Variants in BEND7 observed in about 807,000 individuals in gnomAD.
BEND7 encodes the protein BEN domain-containing protein 7.
BEND7 carries 28 observed loss-of-function variants against 50.9 expected under a neutral mutation model. That is an observed-to-expected ratio of 0.55 (90% CI 0.41 to 0.75). The LOEUF (loss-of-function observed/expected upper bound fraction) is 0.75, where lower values mean the gene tolerates loss of function less well. BEND7 is among the 30% of genes least tolerant of loss of function. The pLI is 0.00. For missense variants in BEND7, 477 were observed against 491.3 expected (o/e 0.97, Z 0.28); for synonymous variants, 170 against 183.9 (o/e 0.92, Z 0.61).
intron 6 of BEND7, among the ~76,000 whole-genome samples, chr10:13,474,371 G>A (rs1392023406): frequency 1.3e-5 from 2 of 150,824 alleles, no homozygotes; most frequent in African/African-American, 4.9e-5. Context: ...ATTTGGGGTC[G>A]ATATTCCTCA....
At position 13,465,123 on chromosome 10, in the gene BEND7, T is replaced by C. The variant is rs182544718; in HGVS notation, c.1064-12465A>G. ...GGCACATAATAGGCAGGTATGAATG[T>C]ATGGTTCATGAAAGAGTAAATCTGA... On this transcript the variant is annotated intron_variant, in intron 6 of 8. Coordinates refer to ENST00000466271, the MANE Select transcript of BEND7 (RefSeq NM_001369863.1). 5.3e-5 allele frequency among the ~76,000 whole-genome samples: 8 copies of C among 152,356 alleles called. No homozygotes were observed. In the East Asian group the frequency reaches 9.6e-4, roughly 18 times the overall value.
chr10:13,465,414 G>A (rs757479368), intron 6 of BEND7, among the ~76,000 whole-genome samples: 49 of 152,204 alleles, frequency 3.2e-4, no homozygotes, highest in Non-Finnish European at 6.5e-4. Flanking sequence ...GAGCCGGCAT[G>A]CGGGGCAGTC....
chr10:13,526,738 A>C (rs1392634927), intron 1 of BEND7, among the ~76,000 whole-genome samples: 1 of 152,238 alleles, frequency 6.6e-6, no homozygotes, highest in African/African-American at 2.4e-5. Context: ...TTGGATAAGA[A>C]AGCAAGATTT....
chr10:13,466,542 G>A (rs2074266934), intron 6 of BEND7, among the ~76,000 whole-genome samples: 1 of 147,842 alleles, frequency 6.8e-6, no homozygotes, highest in Non-Finnish European at 1.5e-5. Flanking sequence ...CTGGGTCACA[G>A]GGTGAGAAAC....
Position 13,477,964 on chromosome 10 carries a change from T to C in BEND7, c.1063+2935A>G, listed in dbSNP as rs540967657. ...GTTCAGTCAAGTCTATGAAATAAAC[T>C]GACGGCAGATAAGTTAACAGGAGAG... On this transcript the variant is annotated intron_variant, in intron 6 of 8. Transcript: ENST00000466271. 7.9e-5 allele frequency among the ~76,000 whole-genome samples: 12 copies of C among 152,298 alleles called. No individual in the cohort carries two copies. The South Asian group carries it at 2.5e-3, about 32-fold the overall frequency.
intron 2 of BEND7, among the ~76,000 whole-genome samples, chr10:13,525,249 G>A (rs1020400319): frequency 6.6e-5 from 10 of 152,142 alleles, no homozygotes; most frequent in South Asian, 2.1e-4. Flanking sequence ...ACTCTTAGAG[G>A]CAAAATCTTA....
Position 13,441,608 on chromosome 10 carries a change from C to A in BEND7, c.*135G>T. ...CTGCCTTGACCAGCAACATACTCAT[C>A]CTATTTTAACACGGCGAAAGGTCAC... On this transcript the variant is annotated 3_prime_UTR_variant, in exon 9 of 9. Coordinates refer to ENST00000466271, the MANE Select transcript of BEND7 (RefSeq NM_001369863.1). The A allele has an allele frequency of 6.5e-7, 1 of 1,531,644 alleles. No individual in the cohort carries two copies. Among genetic ancestry groups the A allele is most frequent in the Non-Finnish European group, 8.8e-7 (1 of 1,140,418 alleles). The allele number at this position is 1,531,644 out of a possible 1,614,324, so 94.9% of individuals were successfully genotyped here.
chr10:13,513,263 C>G (rs1158925722), intron 2 of BEND7, among the ~76,000 whole-genome samples: 1 of 152,166 alleles, frequency 6.6e-6, no homozygotes, highest in Non-Finnish European at 1.5e-5. Context: ...GGACGCTGGC[C>G]TAGGCAGTCT....
intron 2 of BEND7, among the ~76,000 whole-genome samples, chr10:13,520,231 T>C (rs1314200005): frequency 6.6e-6 from 1 of 151,962 alleles, no homozygotes; most frequent in East Asian, 1.9e-4. Context: ...CAGTGTTAAA[T>C]GAGATAAAGT....
chr10:13,487,404 T>TTTA (rs2076305864), intron 5 of BEND7, among the ~76,000 whole-genome samples: 6 of 148,224 alleles, frequency 4.0e-5, no homozygotes, highest in Non-Finnish European at 4.5e-5. Context: ...TTTTTTTTTT[T>TTTA]GAGACGGAGT....
chr10:13,508,705 C>T (rs1267751402), intron 2 of BEND7, among the ~76,000 whole-genome samples: 2 of 152,148 alleles, frequency 1.3e-5, no homozygotes, highest in Non-Finnish European at 2.9e-5. Context: ...ATCAGGTTCA[C>T]TTATCCACTT....
intron 2 of BEND7, among the ~76,000 whole-genome samples, chr10:13,501,792 G>C (rs1399756829): frequency 6.6e-6 from 1 of 151,748 alleles, no homozygotes; most frequent in Non-Finnish European, 1.5e-5. Context: ...GTTGCAGCGA[G>C]CCGAGATTGT....
intron 2 of BEND7, among the ~76,000 whole-genome samples, chr10:13,510,199 A>T (rs999930893): frequency 6.6e-6 from 1 of 152,180 alleles, no homozygotes; most frequent in Non-Finnish European, 1.5e-5. Context: ...TCACAAGAAG[A>T]AAAAAATGAT....
chr10:13,468,457 T>C (rs2074473261), intron 6 of BEND7, among the ~76,000 whole-genome samples: 1 of 152,090 alleles, frequency 6.6e-6, no homozygotes, highest in Non-Finnish European at 1.5e-5. Flanking sequence ...GGAAATATGT[T>C]CACAAGGAGA....
rs2075760144 is a variant in BEND7 at position 13,480,218 on chromosome 10, G to A, written c.1063+681C>T. Among the ~76,000 whole-genome samples the A allele has an allele frequency of 2.6e-5, 4 of 152,200 alleles. No individual in the cohort carries two copies. The South Asian group carries it at 8.3e-4, about 31-fold the overall frequency. On this transcript the variant is annotated intron_variant, in intron 6 of 8. Transcript: ENST00000466271. ...TTTAAAGTTAAGAGAAGTAGGTTTA[G>A]GATGTGGCACTGGATATAAATGCAG...
chr10:13,482,129 T>C (rs1384882730), intron 5 of BEND7, among the ~76,000 whole-genome samples: 3 of 152,216 alleles, frequency 2.0e-5, no homozygotes, highest in Non-Finnish European at 4.4e-5. Flanking sequence ...ATTTATTAGA[T>C]TGCAGCCCTC....
Position 13,528,521 on chromosome 10 carries a change from C to T in BEND7, c.13G>A (p.Glu5Lys). Residue 5 changes from glutamate (E) to lysine (K), a missense_variant, in exon 1 of 9, where the codon GAG becomes AAG. By Grantham distance (56) the Glu-to-Lys change is moderately conservative (BLOSUM62 1). Coordinates refer to ENST00000466271, the MANE Select transcript of BEND7 (RefSeq NM_001369863.1). MEFS[E>K]RKRSRKSQSF... is the part of the protein sequence containing the mutation. ...TGGGATTTCCTGCTTCTTTTCCTCT[C>T]GGAGAACTCCATGGTGCGGGGAAGG... 2 of 1,037,272 alleles carry T rather than the reference C, an allele frequency of 1.9e-6. No individual in the cohort carries two copies. The highest frequency in any genetic ancestry group is 2.3e-6 in the Non-Finnish European group (2 of 863,126). The allele number at this position is 1,037,272 out of a possible 1,614,324, so 64.3% of individuals were successfully genotyped here.
intron 2 of BEND7, among the ~76,000 whole-genome samples, chr10:13,507,867 AG>A (rs1406976668): frequency 6.6e-6 from 1 of 152,224 alleles, no homozygotes; most frequent in East Asian, 1.9e-4. Flanking sequence ...TGCATTTTTT[AG>A]GGGGCAGGTA....
chr10:13,500,047 G>A lies in BEND7; in HGVS notation c.179C>T (p.Thr60Ile). Reference sequence around the variant, plus strand: ...GTCGTTCAGCAATCTTCTCATCCCTGTAATTTGCTTTTTTATTTCCATGCT... The same window carrying A: ...GTCGTTCAGCAATCTTCTCATCCCTATAATTTGCTTTTTTATTTCCATGCT... Reference protein sequence around the residue: ...DESMEIKKQITGMRRLLNDST... With the variant: ...DESMEIKKQIIGMRRLLNDST... Residue 60 changes from threonine to isoleucine, a missense_variant, in exon 3 of 9, where the codon ACA (threonine) becomes ATA (isoleucine). Physicochemically the swap from Thr to Ile is moderately conservative, Grantham distance 89. This residue lies in a region of BEND7 where 396 missense variants were observed against 384.2 expected (regional missense o/e 1.03). Transcript: ENST00000466271. 2 of 1,599,012 alleles carry A rather than the reference G, an allele frequency of 1.3e-6. No individual in the cohort carries two copies. Among genetic ancestry groups the A allele is most frequent in the Non-Finnish European group, 8.6e-7 (1 of 1,168,552 alleles).
Sources: allele counts gnomAD v4.1 joint callset (sites outside exome capture counted in the v4.1 genomes callset), GRCh38; gene constraint gnomAD v4.1.1; regional missense constraint gnomAD v4.1.1; transcripts MANE v1.5; gene names NCBI Gene and HGNC (gene_info 2026-07-23, HGNC 2026-07-21).